The following LPXN variants were observed in gnomAD, a reference collection of about 807,000 sequenced individuals.
LPXN encodes leupaxin.
Under a neutral mutation model 45.6 loss-of-function variants are expected in LPXN, and 28 were observed. The ratio of observed to expected loss-of-function variants is 0.61; its 90% CI spans 0.45 to 0.84. The LOEUF (loss-of-function observed/expected upper bound fraction) is 0.84. Among genes scored for constraint, LPXN ranks in the 40% least tolerant of loss-of-function variants. The probability of loss-of-function intolerance (pLI) is 0.00; values close to 1 mark genes in which losing one functional copy is unlikely to be tolerated. For missense variants in LPXN, 459 were observed against 475.0 expected, an observed-to-expected ratio of 0.97 and a Z score of 0.31; for synonymous variants, 166 against 169.9, an observed-to-expected ratio of 0.98 and a Z score of 0.18.
chr11:58,538,885 G>A (rs1388489823), intron 7 of LPXN, among the ~76,000 whole-genome samples: 1 of 151,876 alleles, frequency 6.6e-6, no homozygotes, highest in African/African-American at 2.4e-5. Flanking sequence ...CCTTTGGAAA[G>A]CAAGATTTCC....
In LPXN at chr11:58,553,318, C is replaced by T. The variant is rs183667637; in HGVS notation, c.318+1523G>A. ...GCCACTGCACTCCAGGCTGGGTAAC[C>T]GAGTAAGAATCTGTCTCAAAAAAAA... On this transcript the variant is annotated intron_variant, in intron 4 of 8. Coordinates refer to ENST00000395074, the MANE Select transcript of LPXN (RefSeq NM_004811.3). 5.5e-4 allele frequency among the ~76,000 whole-genome samples: 70 copies of T among 126,616 alleles called. 1 individual carries two copies. In the East Asian group the frequency reaches 0.014, roughly 26 times the overall value. 83.1% of individuals were successfully genotyped at this position (126,616 alleles called of 152,430 possible).
At chr11:58,540,782 C>T (rs1565188758) in intron 7 of LPXN, among the ~76,000 whole-genome samples, 1 of 152,118 alleles carries the variant, frequency 6.6e-6, no homozygotes, top group Non-Finnish European at 1.5e-5. Flanking sequence ...GATCCCATGT[C>T]CAGGTAATGG....
chr11:58,551,110 C>T lies in LPXN; in HGVS notation c.441G>A (p.Val147=). ...QELQDLGIAT[V]PKGHCASCQK... ...GGCAGGATGCACAATGGCCCTTGGG[C>T]ACTGTGGCAATGCCAAGGTCCTGCA... The change falls in exon 5 of 9, where the codon GTG becomes GTA. Residue 147 remains valine (V), a synonymous_variant. Coordinates refer to ENST00000395074, the MANE Select transcript of LPXN (RefSeq NM_004811.3). 1 of 1,606,496 alleles carries T rather than the reference C, an allele frequency of 6.2e-7. No individual in the cohort carries two copies. The highest frequency in any genetic ancestry group is 1.3e-5 in the African/African-American group (1 of 74,664).
At chr11:58,530,206 A>G (rs1320456660) in intron 7 of LPXN, among the ~76,000 whole-genome samples, 1 of 151,914 alleles carries the variant, frequency 6.6e-6, no homozygotes, top group Non-Finnish European at 1.5e-5. Flanking sequence ...AGAACTGTTC[A>G]CTCCCCTGGA....
chr11:58,533,190 G>A (rs924764644), intron 7 of LPXN, among the ~76,000 whole-genome samples: 12 of 152,242 alleles, frequency 7.9e-5, no homozygotes, highest in East Asian at 1.9e-4. Context: ...AAGGGTCCGC[G>A]GCTTCATTCT....
chr11:58,531,719 T>C (rs907110714), intron 7 of LPXN, among the ~76,000 whole-genome samples: 1 of 152,200 alleles, frequency 6.6e-6, no homozygotes, highest in African/African-American at 2.4e-5. Flanking sequence ...ACCACAAAGA[T>C]ACTCCTCAAG....
chr11:58,557,771 C>A (rs1215663397), intron 3 of LPXN, among the ~76,000 whole-genome samples: 1 of 152,126 alleles, frequency 6.6e-6, no homozygotes, highest in African/African-American at 2.4e-5. Context: ...TAATTTGCCT[C>A]ACTATAGTAA....
intron 1 of LPXN, among the ~76,000 whole-genome samples, chr11:58,570,929 T>C (rs1854675993): frequency 6.6e-6 from 1 of 152,256 alleles, no homozygotes; most frequent in Non-Finnish European, 1.5e-5. Flanking sequence ...TTGTTTCTTA[T>C]TTTCTATGGT....
upstream of LPXN, among the ~76,000 whole-genome samples, chr11:58,578,715 G>A (rs1855000518): frequency 6.6e-6 from 1 of 152,078 alleles, no homozygotes; most frequent in South Asian, 2.1e-4. Flanking sequence ...GGCTCCTCAG[G>A]GAGGCAGGTG....
chr11:58,551,011 T>G, intron 5 of LPXN, 54 bp downstream of exon 5: 20 of 1,449,134 alleles, frequency 1.4e-5, no homozygotes, highest in Non-Finnish European at 1.7e-5. Context: ...CAAACCTTGA[T>G]GAGACAGAGA....
chr11:58,535,471 C>G (rs1172430177), intron 7 of LPXN, among the ~76,000 whole-genome samples: 2 of 152,070 alleles, frequency 1.3e-5, no homozygotes, highest in East Asian at 1.9e-4. Context: ...ATTTAACACC[C>G]CTTCATGATA....
At chr11:58,544,999 ACTAT>A (rs1853836534) in intron 7 of LPXN, among the ~76,000 whole-genome samples, 1 of 152,174 alleles carries the variant, frequency 6.6e-6, no homozygotes, top group African/African-American at 2.4e-5. Context: ...ACTCTTTGTG[ACTAT>A]CTAACTTGGG....
At chr11:58,545,214 C>G (rs1416291423) in intron 7 of LPXN, among the ~76,000 whole-genome samples, 4 of 152,078 alleles carry the variant, frequency 2.6e-5, no homozygotes, top group Admixed American at 2.6e-4. Context: ...CCCCATCAGC[C>G]CTGTCTGTTT....
chr11:58,577,234 A>C (rs1164201945), upstream of LPXN, among the ~76,000 whole-genome samples: 1 of 152,180 alleles, frequency 6.6e-6, no homozygotes, highest in Non-Finnish European at 1.5e-5. Context: ...TCTGCTCACT[A>C]CAAACTCAAT....
chr11:58,567,000 CTG>C (rs147936650), intron 2 of LPXN, among the ~76,000 whole-genome samples: 17,590 of 149,128 alleles, frequency 0.12, 2,557 homozygotes, highest in African/African-American at 0.35. Context: ...CTTATAAAAT[CTG>C]TGTGTGTGTG....
At position 58,540,147 on chromosome 11, in the gene LPXN, T is replaced by C. The variant is rs117448191; in HGVS notation, c.742+9639A>G. 4.1e-3 allele frequency among the ~76,000 whole-genome samples: 621 copies of C among 151,800 alleles called. 2 individuals are homozygous for C. Among genetic ancestry groups the C allele is most frequent in the Non-Finnish European group, 6.0e-3 (407 of 67,904 alleles). On this transcript the variant is annotated intron_variant, in intron 7 of 8. Transcript: ENST00000395074. ...CTAAACTAATAGTTTAAGGAAAATA[T>C]AGGAAATGGGGGCAGGAGTAAAGCA...
intron 4 of LPXN, among the ~76,000 whole-genome samples, chr11:58,552,146 G>C (rs551630326): frequency 1.3e-4 from 20 of 152,294 alleles, no homozygotes; most frequent in Admixed American, 4.6e-4. Flanking sequence ...GGAGAACTAA[G>C]TGTTGACAAG....
At chr11:58,544,293 C>T (rs1443115965) in intron 7 of LPXN, among the ~76,000 whole-genome samples, 1 of 152,174 alleles carries the variant, frequency 6.6e-6, no homozygotes, top group Non-Finnish European at 1.5e-5. Flanking sequence ...CATCTGGGAA[C>T]TTGATAAAAT....
At chr11:58,578,224 G>A (rs1854969138), upstream of LPXN, 9 of 751,886 alleles carry the variant, frequency 1.2e-5, no homozygotes, top group South Asian at 1.5e-4. Context: ...CGGATGTACG[G>A]CACGCGTCGC....
Sources: gnomAD v4.1 joint callset for allele counts (sites outside exome capture counted in the v4.1 genomes callset) on GRCh38, gnomAD v4.1.1 for gene constraint, MANE v1.5 for transcripts, NCBI Gene and HGNC (gene_info 2026-07-23, HGNC 2026-07-21) for gene names.